The following MGMT variants were observed in gnomAD, a reference collection of about 807,000 sequenced individuals.
The protein encoded by MGMT is methylated-DNA--protein-cysteine methyltransferase.
A neutral mutation model predicts 15.9 loss-of-function variants in MGMT; 14 were observed. That is an observed-to-expected ratio of 0.88 (90% confidence interval 0.58 to 1.37). The LOEUF (loss-of-function observed/expected upper bound fraction) is 1.37. Among genes scored for constraint, MGMT ranks in the 40% most tolerant of loss-of-function variants. The pLI is 0.00. For synonymous variants in MGMT, 130 were observed against 118.2 expected (o/e 1.10, Z -0.65); for missense variants, 282 against 268.1 (o/e 1.05, Z -0.36).
chr10:129,608,975 C>T (rs118168213), intron 2 of MGMT, among the ~76,000 whole-genome samples: 3,946 of 152,354 alleles, frequency 0.026, 81 homozygotes, highest in South Asian at 0.063. Flanking sequence ...CACTGTGTCC[C>T]TGTCGGGGCC....
intron 2 of MGMT, among the ~76,000 whole-genome samples, chr10:129,587,138 C>G (rs967676931): frequency 6.6e-6 from 1 of 152,036 alleles, no homozygotes; most frequent in South Asian, 2.1e-4. Context: ...CATTTTCCCC[C>G]CTCCAGGGGT....
At chr10:129,696,388 A>G in intron 2 of MGMT, among the ~76,000 whole-genome samples, 1 of 152,222 alleles carries the variant, frequency 6.6e-6, no homozygotes, top group East Asian at 1.9e-4. Context: ...AACCTGCAGC[A>G]TTTCCAGGTT....
intron 1 of MGMT, among the ~76,000 whole-genome samples, chr10:129,475,131 C>T (rs550341729): frequency 5.9e-5 from 9 of 151,960 alleles, no homozygotes; most frequent in Admixed American, 3.9e-4. Flanking sequence ...TTCCAGGGGA[C>T]GAGTGAGAGC....
intron 2 of MGMT, among the ~76,000 whole-genome samples, chr10:129,548,070 G>A (rs747236333): frequency 2.0e-5 from 3 of 152,308 alleles, no homozygotes; most frequent in Admixed American, 6.5e-5. Context: ...GCTAAAAGTG[G>A]AATATAAACT....
chr10:129,646,187 G>C (rs1847386435), intron 2 of MGMT, among the ~76,000 whole-genome samples: 1 of 152,142 alleles, frequency 6.6e-6, no homozygotes, highest in Non-Finnish European at 1.5e-5. Flanking sequence ...GCAGATAGGA[G>C]TCCAGTCCCC....
Position 129,657,703 on chromosome 10 carries a change from A to ACACACACG in MGMT, c.126-50189_126-50188insACACGCAC, listed in dbSNP as rs1467822718. On this transcript the variant is annotated intron_variant, in intron 2 of 4. Transcript: ENST00000651593. ...CACACACACACACACACACACACAC[A>ACACACACG]CACGCACACACACACACACACACAC... Among the ~76,000 whole-genome samples, 1,199 of 124,548 alleles carry ACACACACG rather than the reference A, an allele frequency of 9.6e-3. 8 individuals are homozygous for ACACACACG. The highest frequency in any genetic ancestry group is 0.055 in the Middle Eastern group (14 of 256). The allele number at this position is 124,548 out of a possible 152,430, so 81.7% of individuals were successfully genotyped here.
At chr10:129,764,575 G>C (rs1057010297) in intron 4 of MGMT, among the ~76,000 whole-genome samples, 3 of 152,274 alleles carry the variant, frequency 2.0e-5, no homozygotes, top group Non-Finnish European at 4.4e-5. Context: ...CACCTGACCA[G>C]TAGCTGGTTG....
chr10:129,588,119 A>G (rs1348014115), intron 2 of MGMT, among the ~76,000 whole-genome samples: 1 of 152,224 alleles, frequency 6.6e-6, no homozygotes, highest in Non-Finnish European at 1.5e-5. Flanking sequence ...AGGAGAGATC[A>G]TGGCCGGGGA....
intron 3 of MGMT, among the ~76,000 whole-genome samples, chr10:129,714,487 G>A (rs1848270628): frequency 6.6e-6 from 1 of 152,124 alleles, no homozygotes; most frequent in Admixed American, 6.5e-5. Flanking sequence ...TTCATTCAAT[G>A]GGGTTGGGGG....
chr10:129,687,131 GTTTTTATT>G lies in MGMT; in HGVS notation c.126-20754_126-20747del, dbSNP rs151059573. Among the ~76,000 whole-genome samples, 1,432 of 152,076 alleles carry G rather than the reference GTTTTTATT, an allele frequency of 9.4e-3. 20 individuals are homozygous for G. The highest frequency in any genetic ancestry group is 0.033 in the African/African-American group (1,349 of 41,472). On this transcript the variant is annotated intron_variant, in intron 2 of 4. Coordinates refer to ENST00000651593, the MANE Select transcript of MGMT (RefSeq NM_002412.5). Reference sequence around the variant, plus strand: ...TGCTGAACCAAGGGGTAAGAACAACGTTTTTATTTTTTTATTTAATTTATTTTTATTTT... The same window carrying G: ...TGCTGAACCAAGGGGTAAGAACAACGTTTTTATTTAATTTATTTTTATTTT...
intron 1 of MGMT, among the ~76,000 whole-genome samples, chr10:129,499,618 C>T (rs371101610): frequency 5.7e-4 from 87 of 152,246 alleles, no homozygotes; most frequent in South Asian, 1.7e-3. Flanking sequence ...ATTCTTAATT[C>T]TCTTTGTTGT....
intron 4 of MGMT, among the ~76,000 whole-genome samples, chr10:129,763,751 G>A (rs1406232776): frequency 1.3e-5 from 2 of 152,092 alleles, no homozygotes; most frequent in South Asian, 4.2e-4. Context: ...ATTATTAATG[G>A]GACTGTTGTA....
At chr10:129,541,100 A>G (rs537889502) in intron 2 of MGMT, among the ~76,000 whole-genome samples, 1 of 152,170 alleles carries the variant, frequency 6.6e-6, no homozygotes, top group Admixed American at 6.5e-5. Context: ...CTTCAGTGAC[A>G]TTGCATCTGT....
chr10:129,467,563 T>C (rs959641072), intron 1 of MGMT: 1 of 418,394 alleles, frequency 2.4e-6, no homozygotes, highest in African/African-American at 2.1e-5. Flanking sequence ...GCCCCTGCCT[T>C]ACCTCTAGGT....
chr10:129,752,830 A>G (rs998034178), intron 3 of MGMT, among the ~76,000 whole-genome samples: 6 of 152,156 alleles, frequency 3.9e-5, no homozygotes, highest in African/African-American at 1.2e-4. Flanking sequence ...GCTAATAAAC[A>G]TATCTTGAAA....
At chr10:129,694,686 C>A (rs1848010069) in intron 2 of MGMT, among the ~76,000 whole-genome samples, 1 of 152,236 alleles carries the variant, frequency 6.6e-6, no homozygotes, top group East Asian at 1.9e-4. Flanking sequence ...TAATTGGATT[C>A]TTCGCTGGGT....
intron 2 of MGMT, among the ~76,000 whole-genome samples, chr10:129,620,337 G>T (rs1348985345): frequency 6.6e-6 from 1 of 152,202 alleles, no homozygotes; most frequent in Non-Finnish European, 1.5e-5. Context: ...TTCTATAAAT[G>T]TACGTTGGGT....
At position 129,556,546 on chromosome 10, in the gene MGMT, A is replaced by G. The variant is rs1160986499; in HGVS notation, c.125+20169A>G. 1.3e-5 allele frequency among the ~76,000 whole-genome samples: 2 copies of G among 152,156 alleles called. No homozygotes were observed. Among genetic ancestry groups the G allele is most frequent in the African/African-American group, 4.8e-5 (2 of 41,424 alleles). ...CAGGGCAGCCCTGGCGGAAGAACGC[A>G]GCCTCGTCGGTGGGTTTGGTGATGC... On this transcript the variant is annotated intron_variant, in intron 2 of 4. Coordinates refer to ENST00000651593, the MANE Select transcript of MGMT (RefSeq NM_002412.5). This position sits in a 1 kb window ranked among gnomAD's most constrained non-coding sequence, Gnocchi z 4.3.
intron 3 of MGMT, among the ~76,000 whole-genome samples, chr10:129,727,651 C>T (rs933433831): frequency 1.3e-5 from 2 of 152,178 alleles, no homozygotes; most frequent in Non-Finnish European, 1.5e-5. Context: ...TGTGAAGACC[C>T]GCCCTCTGTT....
Sources: allele counts gnomAD v4.1 joint callset (sites outside exome capture counted in the v4.1 genomes callset), GRCh38; gene constraint gnomAD v4.1.1; non-coding constraint Gnocchi (gnomAD v3.1); transcripts MANE v1.5; gene names NCBI Gene and HGNC (gene_info 2026-07-23, HGNC 2026-07-21).